The following PALM2AKAP2 variants were observed in gnomAD, a reference collection of about 807,000 sequenced individuals.
The protein encoded by PALM2AKAP2 is PALM2 and AKAP2 fusion, also known as PALM2-AKAP2 fusion protein.
PALM2AKAP2 carries 37 observed loss-of-function variants against 71.5 expected under a neutral mutation model. The ratio of observed to expected loss-of-function variants is 0.52; its 90% CI spans 0.40 to 0.68. The LOEUF is 0.68. PALM2AKAP2 is among the 30% of genes least tolerant of loss of function. PALM2AKAP2 has a pLI of 0.00. For missense variants in PALM2AKAP2, 1,224 were observed against 1,191.8 expected (o/e 1.03, Z -0.40); for synonymous variants, 468 against 478.8 (o/e 0.98, Z 0.29).
At chr9:110,131,523 G>C (rs962149231) in intron 1 of PALM2AKAP2, among the ~76,000 whole-genome samples, 5 of 152,178 alleles carry the variant, frequency 3.3e-5, no homozygotes, top group African/African-American at 1.2e-4. Flanking sequence ...AGCATTTGTT[G>C]GTTTAAACAA....
At chr9:110,076,555 T>C (rs1229940297) in intron 1 of PALM2AKAP2, among the ~76,000 whole-genome samples, 1 of 142,684 alleles carries the variant, frequency 7.0e-6, no homozygotes, top group Non-Finnish European at 1.5e-5. Flanking sequence ...AGGATGAAAC[T>C]GGCAAGAATA....
chr9:110,137,316 G>A lies in PALM2AKAP2; in HGVS notation c.1346G>A (p.Gly449Glu), dbSNP rs2119108419. The change falls in exon 2 of 4, where the codon GGG (glycine) becomes GAG (glutamate). Residue 449 changes from glycine to glutamate, a missense_variant. Coordinates refer to ENST00000374525, the Ensembl canonical transcript of PALM2AKAP2. Reference sequence around the variant, plus strand: ...ATCAAGCCTTTCTACAGGCCTCTGGGGTCAGTCAACTCAGACAAGCCACTG... The same window carrying A: ...ATCAAGCCTTTCTACAGGCCTCTGGAGTCAGTCAACTCAGACAAGCCACTG... The A allele has an allele frequency of 2.5e-6, 4 of 1,614,174 alleles. No homozygotes were observed. In the Middle Eastern group the frequency reaches 4.9e-4, roughly 200 times the overall value.
Position 109,859,665 on chromosome 9 carries a change from A to C in PALM2AKAP2, c.46-7826A>C, listed in dbSNP as rs144390429. Among the ~76,000 whole-genome samples, 42 of 152,364 alleles carry C rather than the reference A, an allele frequency of 2.8e-4. 1 individual carries two copies. In the East Asian group the frequency reaches 6.9e-3, roughly 25 times the overall value. On this transcript the variant is annotated intron_variant, in intron 1 of 9. Coordinates refer to the PALM2AKAP2 transcript ENST00000302798. ...CTCAAGTCCAAATAATCAGTTGAAGAAAAGAGAAGTTATGTAGATGGAAAT... is the reference window on the plus strand; with the variant it reads ...CTCAAGTCCAAATAATCAGTTGAAGCAAAGAGAAGTTATGTAGATGGAAAT...
At chr9:109,814,480 A>G (rs558397824) in intron 1 of PALM2AKAP2, among the ~76,000 whole-genome samples, 1 of 152,350 alleles carries the variant, frequency 6.6e-6, no homozygotes, top group Admixed American at 6.5e-5. Flanking sequence ...TGCCATATTT[A>G]GACCTCAGAG....
chr9:109,726,941 A>G (rs188297818), intron 1 of PALM2AKAP2, among the ~76,000 whole-genome samples: 1 of 152,226 alleles, frequency 6.6e-6, no homozygotes, highest in Non-Finnish European at 1.5e-5. Flanking sequence ...TCATTATTGC[A>G]GAAAGTTCCA....
At chr9:109,838,841 G>C (rs1011735224) in intron 1 of PALM2AKAP2, among the ~76,000 whole-genome samples, 7 of 152,162 alleles carry the variant, frequency 4.6e-5, no homozygotes, top group Admixed American at 4.6e-4. Flanking sequence ...CCAGGAAGAA[G>C]TTGAATCCCT....
chr9:110,122,605 G>A (rs1253918745), intron 1 of PALM2AKAP2, among the ~76,000 whole-genome samples: 1 of 152,198 alleles, frequency 6.6e-6, no homozygotes, highest in East Asian at 1.9e-4. Flanking sequence ...CACAGACAAG[G>A]CACACAGTAG....
chr9:110,078,299 T>C (rs984088132), intron 1 of PALM2AKAP2, among the ~76,000 whole-genome samples: 34 of 152,182 alleles, frequency 2.2e-4, no homozygotes, highest in African/African-American at 8.0e-4. Context: ...TTCTTTTGAG[T>C]TCTTAGACAT....
At chr9:109,815,183 T>C (rs1005063622) in intron 1 of PALM2AKAP2, among the ~76,000 whole-genome samples, 1 of 152,046 alleles carries the variant, frequency 6.6e-6, no homozygotes, top group African/African-American at 2.4e-5. Context: ...GTGAGAGGTA[T>C]GGAGAAATAA....
intron 1 of PALM2AKAP2, among the ~76,000 whole-genome samples, chr9:109,645,596 T>G (rs1827139575): frequency 6.6e-6 from 1 of 151,646 alleles, no homozygotes; most frequent in African/African-American, 2.4e-5. Context: ...ATCATGTCCT[T>G]TACAGCAATG....
chr9:110,102,798 A>G (rs1379969370), intron 1 of PALM2AKAP2, among the ~76,000 whole-genome samples: 1 of 152,124 alleles, frequency 6.6e-6, no homozygotes, highest in African/African-American at 2.4e-5. Flanking sequence ...CCAAACCTAC[A>G]TGATCTGGCC....
chr9:109,902,259 A>C (rs1830346568), intron 3 of PALM2AKAP2, among the ~76,000 whole-genome samples: 1 of 152,156 alleles, frequency 6.6e-6, no homozygotes, highest in South Asian at 2.1e-4. Context: ...AATATATGTA[A>C]AGTGTCTCAT....
intron 1 of PALM2AKAP2, among the ~76,000 whole-genome samples, chr9:110,115,915 A>G (rs1835351983): frequency 6.6e-6 from 1 of 152,218 alleles, no homozygotes; most frequent in African/African-American, 2.4e-5. Flanking sequence ...ATTTCATCGA[A>G]AAAGCATCTC....
At chr9:109,851,604 C>T (rs1256564454) in intron 1 of PALM2AKAP2, among the ~76,000 whole-genome samples, 1 of 152,068 alleles carries the variant, frequency 6.6e-6, no homozygotes, top group Non-Finnish European at 1.5e-5. Flanking sequence ...GGACTGCTCC[C>T]CACTTTTGAT....
At chr9:109,801,824 C>T (rs73655507) in intron 1 of PALM2AKAP2, among the ~76,000 whole-genome samples, 1,670 of 152,208 alleles carry the variant, frequency 0.011, 31 homozygotes, top group African/African-American at 0.038. Context: ...GGTACTTGGC[C>T]TGCAGGAAGG....
chr9:109,785,913 T>G (rs1826949797), intron 1 of PALM2AKAP2, among the ~76,000 whole-genome samples: 1 of 152,190 alleles, frequency 6.6e-6, no homozygotes, highest in African/African-American at 2.4e-5. Flanking sequence ...AGGAGTGAGC[T>G]TGGATGTGTC....
chr9:109,918,083 T>C (rs1588007031), intron 3 of PALM2AKAP2, among the ~76,000 whole-genome samples: 1 of 152,284 alleles, frequency 6.6e-6, no homozygotes, highest in East Asian at 1.9e-4. Flanking sequence ...TATTTTTGGT[T>C]TGTATTGTAA....
chr9:110,018,384 A>G (rs989393309), intron 7 of PALM2AKAP2, among the ~76,000 whole-genome samples: 3 of 152,078 alleles, frequency 2.0e-5, no homozygotes, highest in Admixed American at 2.0e-4. Context: ...GCTGGAGTGC[A>G]GTGTGGCATG....
intron 2 of PALM2AKAP2, among the ~76,000 whole-genome samples, chr9:110,151,314 G>A (rs1383457082): frequency 1.3e-5 from 2 of 152,188 alleles, no homozygotes; most frequent in African/African-American, 4.8e-5. Context: ...GCCTCCTGAA[G>A]TGCTGGGATT....
Sources: allele counts gnomAD v4.1 joint callset (sites outside exome capture counted in the v4.1 genomes callset), GRCh38; gene constraint gnomAD v4.1.1; transcripts MANE v1.5; gene names NCBI Gene and HGNC (gene_info 2026-07-23, HGNC 2026-07-21).